The following KDM1B variants were observed in gnomAD, a reference collection of about 807,000 sequenced individuals.
KDM1B encodes lysine demethylase 1B, also known as lysine-specific histone demethylase 2.
A neutral mutation model predicts 107.4 loss-of-function variants in KDM1B; 63 were observed. The observed-to-expected ratio is 0.59, with a 90% CI of 0.48 to 0.72. KDM1B has a LOEUF of 0.72. Ranked by LOEUF, KDM1B falls within the 30% of genes least tolerant of loss-of-function variation. The pLI is 0.00. For synonymous variants in KDM1B, 363 were observed against 363.9 expected (o/e 1.00, Z 0.03); for missense variants, 749 against 1,020.8 (o/e 0.73, Z 3.63).
rs1458229664 is a variant in KDM1B at position 18,203,138 on chromosome 6, C to CCAG, written c.1531+1482_1531+1484dup. 6.6e-6 allele frequency among the ~76,000 whole-genome samples: 1 copy of CCAG among 152,054 alleles called. No individual in the cohort carries two copies. On this transcript the variant is annotated intron_variant, in intron 14 of 21. Coordinates refer to ENST00000650836, the MANE Select transcript of KDM1B (RefSeq NM_001364614.2). This position sits in a 1 kb window ranked among gnomAD's most constrained non-coding sequence, Gnocchi z 5.5. ...ACCCTTACCTAGAACAAGCTGTAGG[C>CCAG]CAGGCATGATGGTGTGTGCCTGTAG...
At chr6:18,216,253 G>C (rs1213991395) in intron 20 of KDM1B, among the ~76,000 whole-genome samples, 2 of 152,026 alleles carry the variant, frequency 1.3e-5, no homozygotes, top group African/African-American at 2.4e-5. Flanking sequence ...GCTAATTTTT[G>C]TATTTTTGGT....
rs1313620533 is a variant in KDM1B, at chr6:18,209,603, C to A, written c.1866+1397C>A. On this transcript the variant is annotated intron_variant, in intron 17 of 21. Coordinates refer to ENST00000650836, the MANE Select transcript of KDM1B (RefSeq NM_001364614.2). The surrounding 1 kb of genome is among the most constrained non-coding windows in gnomAD (Gnocchi z 4.3). Reference sequence around the variant, plus strand: ...ATGCGTTCTTGTTGAATTGGCCTCGCTTTTTTGTTTGTTTTTTTCAGAGAC... The same window carrying A: ...ATGCGTTCTTGTTGAATTGGCCTCGATTTTTTGTTTGTTTTTTTCAGAGAC... Among the ~76,000 whole-genome samples, 3 of 152,122 alleles carry A rather than the reference C, an allele frequency of 2.0e-5. No homozygotes were observed. Among genetic ancestry groups the A allele is most frequent in the African/African-American group, 7.2e-5 (3 of 41,426 alleles).
In KDM1B at chr6:18,155,743, G is replaced by A. The variant is rs948187886; in HGVS notation, c.-57-140G>A. 2.6e-5 allele frequency: 4 copies of A among 152,496 alleles called. No individual in the cohort carries two copies. In the East Asian group the frequency reaches 7.7e-4, roughly 29 times the overall value. The allele number at this position is 152,496 out of a possible 1,614,324, so 9.4% of individuals were successfully genotyped here. A position where few individuals can be genotyped will look rare whatever the true frequency, so the allele number is the denominator to read the frequency against. On this transcript the variant is annotated intron_variant, in intron 1 of 21. Coordinates refer to ENST00000650836, the MANE Select transcript of KDM1B (RefSeq NM_001364614.2). This position sits in a 1 kb window ranked among gnomAD's most constrained non-coding sequence, Gnocchi z 6.2. ...CCCAGGGACGGATACCTCCTGCCCC[G>A]GATTAAAAGAGGGTGCGGGGTGGGT...
chr6:18,160,828 CTTT>C (rs3077192), intron 3 of KDM1B, among the ~76,000 whole-genome samples: 67,364 of 122,524 alleles, frequency 0.55, 18,096 homozygotes, highest in African/African-American at 0.62. Context: ...ACTCATGTCA[CTTT>C]TTTTTTTTTT....
In KDM1B at chr6:18,214,697, G is replaced by C. The variant is rs1188762453; in HGVS notation, c.2110-310G>C. On this transcript the variant is annotated intron_variant, in intron 19 of 21. Coordinates refer to ENST00000650836, the MANE Select transcript of KDM1B (RefSeq NM_001364614.2). The surrounding 1 kb of genome is among the most constrained non-coding windows in gnomAD (Gnocchi z 4.4). ...GGCCGAGGTGGGTGGATCACCTGAG[G>C]TCAGGAGTTTGAGACCAGTCTGGCC... 6.6e-6 allele frequency among the ~76,000 whole-genome samples: 1 copy of C among 152,142 alleles called. No homozygotes were observed. Among genetic ancestry groups the C allele is most frequent in the Non-Finnish European group, 1.5e-5 (1 of 68,024 alleles).
Position 18,182,546 on chromosome 6 carries a change from C to CT in KDM1B, c.535-3216dup, listed in dbSNP as rs113769690. Among the ~76,000 whole-genome samples the CT allele has an allele frequency of 1.8e-3, 268 of 148,970 alleles. 1 individual carries two copies. Among genetic ancestry groups the CT allele is most frequent in the African/African-American group, 6.1e-3 (249 of 40,714 alleles). On this transcript the variant is annotated intron_variant, in intron 7 of 21. Transcript: ENST00000650836. ...TCTTTCTCTTCATTTTTATTTCATT[C>CT]TTTTTTTTTTGAGACGGAGTCTTGC...
Position 18,186,162 on chromosome 6 carries a change from A to G in KDM1B, c.573+352A>G, listed in dbSNP as rs1360602956. Among the ~76,000 whole-genome samples, 1 of 152,214 alleles carries G rather than the reference A, an allele frequency of 6.6e-6. No individual in the cohort carries two copies. Among genetic ancestry groups the G allele is most frequent in the African/African-American group, 2.4e-5 (1 of 41,462 alleles). On this transcript the variant is annotated intron_variant, in intron 8 of 21. Transcript: ENST00000650836. The surrounding 1 kb of genome is among the most constrained non-coding windows in gnomAD (Gnocchi z 5.6). ...CTTGAGTCCTCCTAAGAAAAGCACA[A>G]GAGGGCCACAATTTGATCGTCTTGG...
chr6:18,168,014 C>T (rs895119719), intron 6 of KDM1B, among the ~76,000 whole-genome samples: 1 of 152,162 alleles, frequency 6.6e-6, no homozygotes, highest in Non-Finnish European at 1.5e-5. Flanking sequence ...CCCACTTCAG[C>T]CTCTCAAAGT....
intron 21 of KDM1B, 133 bp downstream of exon 21, chr6:18,218,018 T>G: frequency 3.3e-6 from 3 of 903,836 alleles, no homozygotes; most frequent in Non-Finnish European, 5.0e-6. Context: ...AGCAGAAGCC[T>G]TCTCACCATC....
chr6:18,198,637 CAAA>C (rs762849198), intron 12 of KDM1B, among the ~76,000 whole-genome samples: 208 of 69,206 alleles, frequency 3.0e-3, no homozygotes, highest in African/African-American at 0.014. Context: ...GACTCCATCT[CAAA>C]AAAAAAAAAA....
intron 20 of KDM1B, among the ~76,000 whole-genome samples, chr6:18,217,422 A>T (rs1582221889): frequency 7.3e-6 from 1 of 137,322 alleles, no homozygotes; most frequent in African/African-American, 2.8e-5. Flanking sequence ...TCTGTTGCCC[A>T]GGCTGGAGTG....
At chr6:18,179,368 C>A (rs1348257959) in intron 7 of KDM1B, among the ~76,000 whole-genome samples, 1 of 152,090 alleles carries the variant, frequency 6.6e-6, no homozygotes, top group Non-Finnish European at 1.5e-5. Flanking sequence ...CTTGTAATAA[C>A]CTTGTCGGGT....
At chr6:18,167,869 C>T (rs868302988) in intron 6 of KDM1B, among the ~76,000 whole-genome samples, 2 of 151,798 alleles carry the variant, frequency 1.3e-5, no homozygotes, top group Non-Finnish European at 2.9e-5. Context: ...CTCAAGTGAT[C>T]CTCCCACCTC....
chr6:18,181,873 C>T (rs931330567), intron 7 of KDM1B, among the ~76,000 whole-genome samples: 3 of 152,006 alleles, frequency 2.0e-5, no homozygotes, highest in African/African-American at 7.2e-5. Flanking sequence ...AATTATATAA[C>T]ACTTCCTTTT....
rs1787278731 is a variant in KDM1B, at chr6:18,191,443, G to T, written c.969+62G>T. ...AGGAGGACCATGTTGAAAAGGAGGG[G>T]ATACTTCATCTGGGGATGGAACCTT... On this transcript the variant is annotated intron_variant, in intron 10 of 21. Coordinates refer to ENST00000650836, the MANE Select transcript of KDM1B (RefSeq NM_001364614.2). The surrounding 1 kb of genome is among the most constrained non-coding windows in gnomAD (Gnocchi z 5.1). The T allele has an allele frequency of 6.8e-7, 1 of 1,463,140 alleles. No individual in the cohort carries two copies. The highest frequency in any genetic ancestry group is 1.3e-5 in the South Asian group (1 of 75,444). 90.6% of individuals were successfully genotyped at this position (1,463,140 alleles called of 1,614,324 possible).
intron 3 of KDM1B, 119 bp downstream of exon 3, chr6:18,160,101 A>G: frequency 4.8e-6 from 3 of 630,096 alleles, no homozygotes; most frequent in Non-Finnish European, 5.5e-6. Flanking sequence ...ATTCTAGGGG[A>G]GAAATTCTCA....
Position 18,186,973 on chromosome 6 carries a change from T to TGTACAC in KDM1B, c.574-819_574-818insGTACAC, listed in dbSNP as rs1554144838. On this transcript the variant is annotated intron_variant, in intron 8 of 21. Coordinates refer to ENST00000650836, the MANE Select transcript of KDM1B (RefSeq NM_001364614.2). The surrounding 1 kb of genome is among the most constrained non-coding windows in gnomAD (Gnocchi z 5.6). ...CAGTATGTATATATGTGTGTGTGTG[T>TGTACAC]ACACACACACACACACACACACACA... 1.4e-5 allele frequency among the ~76,000 whole-genome samples: 2 copies of TGTACAC among 147,438 alleles called. No homozygotes were observed. The highest frequency in any genetic ancestry group is 6.8e-5 in the Admixed American group (1 of 14,756).
In KDM1B at chr6:18,159,558, T is replaced by C. The variant is rs1784839545; in HGVS notation, c.-13-325T>C. On this transcript the variant is annotated intron_variant, in intron 2 of 21. Coordinates refer to ENST00000650836, the MANE Select transcript of KDM1B (RefSeq NM_001364614.2). The surrounding 1 kb of genome is among the most constrained non-coding windows in gnomAD (Gnocchi z 4.5). ...ATGCCAGTGCTATAGTAAATGCTTA[T>C]GGTGCCCATTTTATGTGTGAGAACA... 6.6e-6 allele frequency among the ~76,000 whole-genome samples: 1 copy of C among 152,244 alleles called. No homozygotes were observed. Among genetic ancestry groups the C allele is most frequent in the South Asian group, 2.1e-4 (1 of 4,830 alleles).
intron 10 of KDM1B, among the ~76,000 whole-genome samples, chr6:18,194,857 A>G (rs1288789557): frequency 6.6e-6 from 1 of 152,128 alleles, no homozygotes; most frequent in Admixed American, 6.6e-5. Context: ...AAATACATAT[A>G]TAATGTATAA....
Sources: gnomAD v4.1 joint callset for allele counts (sites outside exome capture counted in the v4.1 genomes callset) on GRCh38, gnomAD v4.1.1 for gene constraint, Gnocchi (gnomAD v3.1) non-coding constraint, MANE v1.5 for transcripts, NCBI Gene and HGNC (gene_info 2026-07-23, HGNC 2026-07-21) for gene names.